Variants in RASSF8 observed in about 807,000 individuals in gnomAD.
RASSF8 encodes Ras association domain family member 8.
In RASSF8, 22 loss-of-function variants were observed where a neutral mutation model predicts 48.5. The observed-to-expected ratio is 0.45, with a 90% CI of 0.32 to 0.65. The LOEUF (loss-of-function observed/expected upper bound fraction) is 0.65, where lower values mean the gene tolerates loss of function less well. Ranked by LOEUF, RASSF8 falls within the 30% of genes least tolerant of loss-of-function variation. The pLI, the probability that RASSF8 is intolerant of heterozygous loss-of-function variation, is 0.03. For missense variants in RASSF8, 418 were observed against 489.2 expected (o/e 0.85, Z 1.37); for synonymous variants, 127 against 171.5 (o/e 0.74, Z 2.03).
chr12:26,076,377 T>C (rs140994091), downstream of RASSF8, among the ~76,000 whole-genome samples: 1,351 of 152,270 alleles, frequency 8.9e-3, 23 homozygotes, highest in African/African-American at 0.031. Flanking sequence ...TAACTCGTCA[T>C]TTACATTGGG....
intron 2 of RASSF8, among the ~76,000 whole-genome samples, chr12:26,014,416 A>G (rs1281517102): frequency 2.6e-5 from 4 of 152,122 alleles, no homozygotes; most frequent in African/African-American, 9.7e-5. Flanking sequence ...TTCTCCCAAT[A>G]TGTTTTGGGA....
intron 1 of RASSF8, among the ~76,000 whole-genome samples, chr12:25,969,643 C>T (rs752089693): frequency 2.3e-4 from 35 of 152,024 alleles, no homozygotes; most frequent in Admixed American, 7.9e-4. Flanking sequence ...TATATTTTGG[C>T]GGGGTGGCTG....
At chr12:25,989,787 G>A (rs1425676083) in intron 1 of RASSF8, among the ~76,000 whole-genome samples, 2 of 151,926 alleles carry the variant, frequency 1.3e-5, no homozygotes, top group Non-Finnish European at 2.9e-5. Flanking sequence ...GGGTGTGGTG[G>A]GGCATGGGGG....
chr12:26,070,672 A>G lies in RASSF8; in HGVS notation c.*1854A>G, dbSNP rs922037767. On this transcript the variant is annotated 3_prime_UTR_variant, in exon 6 of 6. Transcript: ENST00000689635. The stretch of plus-strand genomic sequence containing the variant: ...GACAGTAATGATTTACATATGCCCA[A>G]TATATGCCTTATTTTTAAATAAGTC... The G allele has an allele frequency of 5.3e-6, 5 of 945,670 alleles. No individual in the cohort carries two copies. Among genetic ancestry groups the G allele is most frequent in the Non-Finnish European group, 6.3e-6 (5 of 794,028 alleles). The allele number at this position is 945,670 out of a possible 1,614,324, so 58.6% of individuals were successfully genotyped here.
chr12:25,966,485 G>T (rs937659247), intron 1 of RASSF8, among the ~76,000 whole-genome samples: 2 of 152,176 alleles, frequency 1.3e-5, no homozygotes, highest in African/African-American at 4.8e-5. Flanking sequence ...TGAGATCACA[G>T]GCATGAGCCA....
chr12:26,018,550 A>G (rs1942708410), intron 2 of RASSF8, among the ~76,000 whole-genome samples: 1 of 152,210 alleles, frequency 6.6e-6, no homozygotes, highest in Non-Finnish European at 1.5e-5. Flanking sequence ...AGAGGATGAT[A>G]AAGTTGTCAG....
rs78259271 is a variant in RASSF8, at chr12:26,027,825, T to G, written c.-108-27411T>G. Among the ~76,000 whole-genome samples, 124 of 152,322 alleles carry G rather than the reference T, an allele frequency of 8.1e-4. 1 individual carries two copies. In the East Asian group the frequency reaches 0.022, roughly 27 times the overall value. On this transcript the variant is annotated intron_variant, in intron 2 of 5. Coordinates refer to ENST00000689635, the MANE Select transcript of RASSF8 (RefSeq NM_001394098.1). ...GGATAGAATGAGAAGCATAGAGGAC[T>G]GAGCCAGAAATTCAATAATGTTAGC...
intron 1 of RASSF8, among the ~76,000 whole-genome samples, chr12:25,964,359 A>G (rs916079505): frequency 6.6e-6 from 1 of 151,832 alleles, no homozygotes; most frequent in African/African-American, 2.4e-5. Context: ...GGCTGTCCAA[A>G]TTTTATGTAT....
intron 2 of RASSF8, 115 bp downstream of exon 2, chr12:25,995,245 A>G (rs959224140): frequency 1.3e-5 from 2 of 152,240 alleles, no homozygotes; most frequent in Non-Finnish European, 2.9e-5. Context: ...GATCATGTTC[A>G]TTAGTAAAGT....
At chr12:26,033,554 T>C (rs1943071338) in intron 2 of RASSF8, among the ~76,000 whole-genome samples, 2 of 152,174 alleles carry the variant, frequency 1.3e-5, no homozygotes, top group South Asian at 2.1e-4. Flanking sequence ...ATCCAGATTG[T>C]TATTTTGGAG....
chr12:26,018,250 A>G (rs1199864975), intron 2 of RASSF8, among the ~76,000 whole-genome samples: 7 of 152,198 alleles, frequency 4.6e-5, no homozygotes, highest in Admixed American at 3.3e-4. Context: ...TATGCAAGTC[A>G]TTTAAATTTG....
intron 2 of RASSF8, among the ~76,000 whole-genome samples, chr12:26,046,375 A>G (rs1055014772): frequency 6.6e-6 from 1 of 152,226 alleles, no homozygotes; most frequent in Non-Finnish European, 1.5e-5. Context: ...TGCATCTGCC[A>G]CTTACTGGGT....
chr12:26,048,705 T>A (rs1943425016), intron 2 of RASSF8, among the ~76,000 whole-genome samples: 1 of 152,166 alleles, frequency 6.6e-6, no homozygotes, highest in Admixed American at 6.5e-5. Flanking sequence ...TGTGCCTTCT[T>A]CCTCTCTCAC....
chr12:26,063,758 A>G (rs1050716019), intron 3 of RASSF8, among the ~76,000 whole-genome samples: 4 of 151,398 alleles, frequency 2.6e-5, no homozygotes, highest in African/African-American at 9.7e-5. Context: ...TTAGAAGAAG[A>G]ATCTCTGATA....
intron 1 of RASSF8, among the ~76,000 whole-genome samples, chr12:25,983,475 T>G (rs1941791912): frequency 6.6e-6 from 1 of 152,208 alleles, no homozygotes; most frequent in Non-Finnish European, 1.5e-5. Flanking sequence ...GAAACTGATC[T>G]TATCAGTTCT....
intron 1 of RASSF8, among the ~76,000 whole-genome samples, chr12:25,970,361 G>A (rs1044244171): frequency 6.6e-6 from 1 of 152,020 alleles, no homozygotes; most frequent in Non-Finnish European, 1.5e-5. Context: ...TTAATTTCCT[G>A]CCGGGATTTG....
At chr12:25,988,063 A>G (rs1042349193) in intron 1 of RASSF8, among the ~76,000 whole-genome samples, 1 of 149,000 alleles carries the variant, frequency 6.7e-6, no homozygotes, top group Admixed American at 6.8e-5. Flanking sequence ...AGGTTTCACC[A>G]TGCTGGCCAG....
intron 1 of RASSF8, among the ~76,000 whole-genome samples, chr12:25,991,779 A>ATC (rs1212618494): frequency 6.6e-6 from 1 of 152,204 alleles, no homozygotes; most frequent in African/African-American, 2.4e-5. Context: ...TGTACAGGTT[A>ATC]TCTCTGTTCA....
At chr12:26,003,201 A>T (rs986939358) in intron 2 of RASSF8, among the ~76,000 whole-genome samples, 1 of 152,144 alleles carries the variant, frequency 6.6e-6, no homozygotes, top group Admixed American at 6.5e-5. Flanking sequence ...TTCTGTGTCT[A>T]TTGAGATGAT....
Sources: gnomAD v4.1 joint callset for allele counts (sites outside exome capture counted in the v4.1 genomes callset) on GRCh38, gnomAD v4.1.1 for gene constraint, MANE v1.5 for transcripts, NCBI Gene and HGNC (gene_info 2026-07-23, HGNC 2026-07-21) for gene names.